Variants in CEP112 observed in about 807,000 individuals in gnomAD.
The protein encoded by CEP112 is centrosomal protein 112.
Under a neutral mutation model 153.0 loss-of-function variants are expected in CEP112, and 127 were observed. That is an observed-to-expected ratio of 0.83 (90% CI 0.72 to 0.96). The LOEUF is 0.96. Ranked by LOEUF, CEP112 falls within the 40% of genes least tolerant of loss-of-function variation. The pLI is 0.00. For missense variants in CEP112, 1,089 were observed against 1,101.2 expected (o/e 0.99, Z 0.16); for synonymous variants, 358 against 374.4 (o/e 0.96, Z 0.51).
chr17:65,682,758 C>T (rs1047248047), intron 24 of CEP112, among the ~76,000 whole-genome samples: 3 of 152,150 alleles, frequency 2.0e-5, no homozygotes, highest in Admixed American at 6.5e-5. Flanking sequence ...CTTGAACACT[C>T]GGCATGTTCT....
chr17:65,689,182 C>T lies in CEP112; in HGVS notation c.2644G>A (p.Val882Met), dbSNP rs2047970935. Reference protein sequence around the residue: ...QDELENRSNQVRCAEKKLQHK... With the variant: ...QDELENRSNQMRCAEKKLQHK... The stretch of plus-strand genomic sequence containing the variant: ...TGTAATTTTTTCTCTGCACATCGCA[C>T]CTGATTAGAACGGTTTTCTAATTCA... Residue 882 changes from valine (V) to methionine (M), a missense_variant, in exon 24 of 27, where the codon GTG becomes ATG. By Grantham distance (21) the Val-to-Met change is conservative. Coordinates refer to ENST00000535342, the MANE Select transcript of CEP112 (RefSeq NM_001199165.4). 3 of 1,613,642 alleles carry T rather than the reference C, an allele frequency of 1.9e-6. No individual in the cohort carries two copies. Among genetic ancestry groups the T allele is most frequent in the African/African-American group, 1.3e-5 (1 of 75,006 alleles).
At chr17:65,951,096 G>A (rs534715478) in intron 18 of CEP112, among the ~76,000 whole-genome samples, 6 of 152,136 alleles carry the variant, frequency 3.9e-5, no homozygotes, top group African/African-American at 9.6e-5. Flanking sequence ...CCGCTTGGTC[G>A]TGGTGTATAA....
At chr17:66,160,886 A>G (rs573812493) in intron 4 of CEP112, among the ~76,000 whole-genome samples, 3 of 152,342 alleles carry the variant, frequency 2.0e-5, no homozygotes, top group Non-Finnish European at 2.9e-5. Flanking sequence ...AGAAGCTATC[A>G]TAAGAGTGAA....
intron 8 of CEP112, among the ~76,000 whole-genome samples, chr17:66,095,053 G>A (rs934423762): frequency 6.6e-5 from 10 of 152,184 alleles, no homozygotes; most frequent in African/African-American, 2.4e-4. Context: ...TGGCAGTAAT[G>A]TAGATTAGTG....
chr17:66,015,409 T>G (rs937176739), intron 16 of CEP112, among the ~76,000 whole-genome samples: 2 of 152,224 alleles, frequency 1.3e-5, no homozygotes, highest in African/African-American at 4.8e-5. Context: ...ATTTGATCTT[T>G]TGCTTATCCT....
intron 20 of CEP112, 105 bp from the exon 21 acceptor site, chr17:65,852,139 T>G (rs551292674): frequency 1.4e-6 from 1 of 694,908 alleles, no homozygotes; most frequent in East Asian, 2.7e-5. Context: ...ACATATGGAA[T>G]AGAAAGCTTA....
intron 21 of CEP112, among the ~76,000 whole-genome samples, chr17:65,758,729 T>C (rs145198551): frequency 7.2e-5 from 11 of 152,298 alleles, no homozygotes; most frequent in Non-Finnish European, 1.5e-4. Flanking sequence ...CTGAATAAAA[T>C]AGTTGTTTTA....
At chr17:66,173,096 C>T (rs1238676790) in intron 4 of CEP112, among the ~76,000 whole-genome samples, 2 of 152,176 alleles carry the variant, frequency 1.3e-5, no homozygotes, top group Non-Finnish European at 2.9e-5. Context: ...TCTTTTCTAC[C>T]TTTCTTCTTT....
chr17:66,119,933 G>A (rs566312536), intron 6 of CEP112, among the ~76,000 whole-genome samples: 1 of 152,290 alleles, frequency 6.6e-6, no homozygotes, highest in South Asian at 2.1e-4. Flanking sequence ...TAGGTGTGTA[G>A]TGGTATCTCA....
At chr17:65,926,242 C>A (rs539696891) in intron 19 of CEP112, among the ~76,000 whole-genome samples, 1 of 152,104 alleles carries the variant, frequency 6.6e-6, no homozygotes, top group African/African-American at 2.4e-5. Context: ...GATTTTTGAA[C>A]GTGCAGTTCC....
At chr17:65,661,279 C>A (rs1263112247) in intron 24 of CEP112, among the ~76,000 whole-genome samples, 1 of 152,162 alleles carries the variant, frequency 6.6e-6, no homozygotes, top group African/African-American at 2.4e-5. Context: ...GGTAACCAAC[C>A]CTTCCACTAA....
intron 17 of CEP112, among the ~76,000 whole-genome samples, chr17:65,978,915 A>G (rs1238126094): frequency 6.6e-6 from 1 of 152,218 alleles, no homozygotes; most frequent in Non-Finnish European, 1.5e-5. Context: ...AGTTCTCTAA[A>G]GACATATCTA....
At chr17:66,002,364 G>T (rs2064095806) in intron 17 of CEP112, among the ~76,000 whole-genome samples, 1 of 152,090 alleles carries the variant, frequency 6.6e-6, no homozygotes, top group African/African-American at 2.4e-5. Context: ...TCCCTACATG[G>T]TCGCAAAATT....
In CEP112 at chr17:66,029,054, T is replaced by G. The variant is rs898125069; in HGVS notation, c.1503+69A>C. On this transcript the variant is annotated intron_variant, in intron 14 of 26. Coordinates refer to ENST00000535342, the MANE Select transcript of CEP112 (RefSeq NM_001199165.4). ...TTTCAAATGCCAAATAATTTCTACTTGGCTATCTATGGCTCTAGGCTTAGT... is the reference window on the plus strand; with the variant it reads ...TTTCAAATGCCAAATAATTTCTACTGGGCTATCTATGGCTCTAGGCTTAGT... The G allele has an allele frequency of 4.3e-6, 5 of 1,161,482 alleles. No individual in the cohort carries two copies. The Admixed American group carries it at 7.5e-5, about 17-fold the overall frequency. 71.9% of individuals were successfully genotyped at this position (1,161,482 alleles called of 1,614,324 possible).
chr17:65,727,810 A>G lies in CEP112; in HGVS notation c.2607+15258T>C, dbSNP rs190304230. On this transcript the variant is annotated intron_variant, in intron 23 of 26. Coordinates refer to ENST00000535342, the MANE Select transcript of CEP112 (RefSeq NM_001199165.4). ...GCCAGGGCTTCTGGGAATCATCTCT[A>G]TAGAAGTGACAGCTGACATCACAGA... is the stretch of plus-strand genomic sequence containing the variant. 2.6e-3 allele frequency among the ~76,000 whole-genome samples: 392 copies of G among 152,306 alleles called. 1 individual carries two copies. The highest frequency in any genetic ancestry group is 8.5e-3 in the African/African-American group (355 of 41,572).
intron 21 of CEP112, among the ~76,000 whole-genome samples, chr17:65,772,591 CACACACACACACACACACACACACACAG>C (rs1400254063): frequency 1.0e-5 from 1 of 95,440 alleles, no homozygotes; most frequent in East Asian, 6.6e-4. Context: ...CACACACACA[CACACACACACACACACACACACACACAG>C]ACAGCCCCTT....
Position 65,851,875 on chromosome 17 carries a change from C to T in CEP112, c.2323G>A (p.Ala775Thr), listed in dbSNP as rs372409188. ...TCTATTTTCATCTTTTCTGATTCAGCCTTCAGTTTATTGACGACAATCTCA... is the reference window on the plus strand; with the variant it reads ...TCTATTTTCATCTTTTCTGATTCAGTCTTCAGTTTATTGACGACAATCTCA... Reference protein sequence around the residue: ...EHEIVVNKLKAESEKMKIELK... With the variant: ...EHEIVVNKLKTESEKMKIELK... Residue 775 changes from alanine to threonine, a missense_variant, in exon 21 of 27, where the codon GCT becomes ACT. By Grantham distance (58) the Ala-to-Thr change is moderately conservative. Transcript: ENST00000535342. 3 of 1,614,012 alleles carry T rather than the reference C, an allele frequency of 1.9e-6. No homozygotes were observed. The highest frequency in any genetic ancestry group is 2.5e-6 in the Non-Finnish European group (3 of 1,180,010).
intron 17 of CEP112, 75 bp downstream of exon 17, chr17:66,005,615 G>T: frequency 6.6e-7 from 1 of 1,517,194 alleles, no homozygotes. Flanking sequence ...ATAGTGTTTA[G>T]GTCCCAGTTA....
intron 12 of CEP112, among the ~76,000 whole-genome samples, chr17:66,046,110 T>G (rs2066193822): frequency 1.3e-5 from 2 of 151,924 alleles, no homozygotes; most frequent in Admixed American, 1.3e-4. Flanking sequence ...TGGTGCGATC[T>G]CTCCTCACTG....
Sources: gnomAD v4.1 joint callset for allele counts (sites outside exome capture counted in the v4.1 genomes callset) on GRCh38, gnomAD v4.1.1 for gene constraint, MANE v1.5 for transcripts, NCBI Gene and HGNC (gene_info 2026-07-23, HGNC 2026-07-21) for gene names.